The following MAN1C1 variants were observed in gnomAD, a reference collection of about 807,000 sequenced individuals.
MAN1C1 encodes the protein mannosidase alpha class 1C member 1.
Under a neutral mutation model 71.5 loss-of-function variants are expected in MAN1C1, and 49 were observed. That is an observed-to-expected ratio of 0.69 (90% CI 0.54 to 0.87). The LOEUF (loss-of-function observed/expected upper bound fraction) is 0.87. MAN1C1 is among the 40% of genes least tolerant of loss of function. MAN1C1 has a pLI of 0.00. For synonymous variants in MAN1C1, 352 were observed against 343.7 expected, an observed-to-expected ratio of 1.02 and a Z score of -0.27; for missense variants, 743 against 835.0, an observed-to-expected ratio of 0.89 and a Z score of 1.36.
intron 2 of MAN1C1, among the ~76,000 whole-genome samples, chr1:25,720,313 G>T (rs1380430427): frequency 6.6e-6 from 1 of 151,782 alleles, no homozygotes; most frequent in African/African-American, 2.4e-5. Context: ...CCGAGTTCAA[G>T]TGATTCTCCT....
intron 2 of MAN1C1, among the ~76,000 whole-genome samples, chr1:25,704,754 CTT>C (rs746230551): frequency 1.3e-5 from 2 of 152,198 alleles, no homozygotes; most frequent in Non-Finnish European, 2.9e-5. Flanking sequence ...GGCAGGGTCT[CTT>C]TGCCAGAAAA....
chr1:25,627,194 G>A (rs2045308392), intron 1 of MAN1C1, among the ~76,000 whole-genome samples: 1 of 152,072 alleles, frequency 6.6e-6, no homozygotes, highest in Non-Finnish European at 1.5e-5. Context: ...TATACAATAT[G>A]GTTTTGTTTC....
intron 11 of MAN1C1, 34 bp from the exon 12 acceptor site, chr1:25,783,625 AGACT>A (rs1363363786): frequency 6.2e-7 from 1 of 1,603,910 alleles, no homozygotes; most frequent in Non-Finnish European, 8.5e-7. Context: ...GGCCACTGAC[AGACT>A]GTGTCTTGCT....
At chr1:25,679,363 G>A (rs1387714944) in intron 1 of MAN1C1, among the ~76,000 whole-genome samples, 2 of 152,126 alleles carry the variant, frequency 1.3e-5, no homozygotes, top group East Asian at 1.9e-4. Flanking sequence ...TCTGACCAGC[G>A]TGGGGAACAG....
intron 2 of MAN1C1, among the ~76,000 whole-genome samples, chr1:25,740,382 G>T (rs142095192): frequency 6.6e-6 from 1 of 152,244 alleles, no homozygotes; most frequent in African/African-American, 2.4e-5. Flanking sequence ...GCCATGGGGG[G>T]TTTCGAGCAG....
intron 4 of MAN1C1, among the ~76,000 whole-genome samples, chr1:25,752,151 C>A (rs1195941562): frequency 2.0e-5 from 3 of 152,126 alleles, no homozygotes; most frequent in African/African-American, 7.2e-5. Context: ...CACAGCTGCA[C>A]ACGTGAGGTT....
At chr1:25,667,257 G>A (rs893274549) in intron 1 of MAN1C1, among the ~76,000 whole-genome samples, 7 of 152,068 alleles carry the variant, frequency 4.6e-5, no homozygotes, top group Non-Finnish European at 8.8e-5. Flanking sequence ...GCTGAGGCGG[G>A]CGGATCACTT....
chr1:25,771,044 C>G (rs1385663233), intron 7 of MAN1C1, among the ~76,000 whole-genome samples: 2 of 152,228 alleles, frequency 1.3e-5, no homozygotes, highest in African/African-American at 4.8e-5. Flanking sequence ...GCCTGTGAGG[C>G]CCTGCTCCTT....
At chr1:25,762,117 CTTTTCTTTTCTTTTT>C (rs2047367609) in intron 6 of MAN1C1, among the ~76,000 whole-genome samples, 1 of 124,786 alleles carries the variant, frequency 8.0e-6, no homozygotes, top group African/African-American at 3.5e-5. Context: ...TCTTTCTTTT[CTTTTCTTTTCTTTTT>C]TTTTTTTTTT....
intron 7 of MAN1C1, among the ~76,000 whole-genome samples, chr1:25,767,210 C>T (rs921684720): frequency 8.6e-6 from 1 of 116,150 alleles, no homozygotes; most frequent in African/African-American, 3.4e-5. Context: ...ACACATTACA[C>T]ACTCCCCCAT....
At chr1:25,699,530 C>T (rs1232509851) in intron 2 of MAN1C1, among the ~76,000 whole-genome samples, 1 of 152,104 alleles carries the variant, frequency 6.6e-6, no homozygotes, top group Non-Finnish European at 1.5e-5. Flanking sequence ...TATTTCCTCC[C>T]CACTCTAGGT....
chr1:25,704,790 A>C (rs2046496577), intron 2 of MAN1C1, among the ~76,000 whole-genome samples: 1 of 152,228 alleles, frequency 6.6e-6, no homozygotes, highest in Non-Finnish European at 1.5e-5. Context: ...TGTCATCCAG[A>C]TACTCTGATT....
At chr1:25,694,017 A>G (rs577453020) in intron 2 of MAN1C1, among the ~76,000 whole-genome samples, 32 of 152,350 alleles carry the variant, frequency 2.1e-4, no homozygotes, top group African/African-American at 6.5e-4. Context: ...GAGAATAAGT[A>G]TAGTCCAAGG....
At chr1:25,716,264 A>G (rs2124262576) in intron 2 of MAN1C1, among the ~76,000 whole-genome samples, 1 of 152,310 alleles carries the variant, frequency 6.6e-6, no homozygotes, top group South Asian at 2.1e-4. Context: ...ATTAGGGGCA[A>G]CTAGCAGACT....
chr1:25,636,696 A>G (rs1012962759), intron 1 of MAN1C1, among the ~76,000 whole-genome samples: 1 of 152,260 alleles, frequency 6.6e-6, no homozygotes, highest in Admixed American at 6.5e-5. Context: ...GAGGTGACGT[A>G]CATCCTCAGC....
chr1:25,737,166 A>G (rs1572184265), intron 2 of MAN1C1, among the ~76,000 whole-genome samples: 1 of 152,258 alleles, frequency 6.6e-6, no homozygotes, highest in Admixed American at 6.5e-5. Context: ...GCTCTTATTT[A>G]AAAACAAACA....
intron 3 of MAN1C1, among the ~76,000 whole-genome samples, chr1:25,748,436 G>A (rs942856070): frequency 1.6e-4 from 24 of 152,326 alleles, no homozygotes; most frequent in African/African-American, 2.9e-4. Flanking sequence ...GGCAAGGAGG[G>A]TGACAACAGG....
intron 2 of MAN1C1, among the ~76,000 whole-genome samples, chr1:25,720,112 A>G (rs1243002432): frequency 6.6e-6 from 1 of 151,874 alleles, no homozygotes; most frequent in African/African-American, 2.4e-5. Context: ...GCATTTCCCT[A>G]ATGTCTAATG....
Position 25,740,539 on chromosome 1 carries a change from C to A in MAN1C1, c.638-6129C>A, listed in dbSNP as rs539146487. Among the ~76,000 whole-genome samples, 360 of 152,216 alleles carry A rather than the reference C, an allele frequency of 2.4e-3. 3 individuals are homozygous for A. Among genetic ancestry groups the A allele is most frequent in the African/African-American group, 8.1e-3 (335 of 41,514 alleles). On this transcript the variant is annotated intron_variant, in intron 2 of 11. Coordinates refer to ENST00000374332, the MANE Select transcript of MAN1C1 (RefSeq NM_020379.4). ...GCAAGCTCCGCCTCCCGAGTTCATG[C>A]CATTCTCCTGTCTCAGCCTCCCAAG...
Sources: allele counts gnomAD v4.1 joint callset (sites outside exome capture counted in the v4.1 genomes callset), GRCh38; gene constraint gnomAD v4.1.1; transcripts MANE v1.5; gene names NCBI Gene and HGNC (gene_info 2026-07-23, HGNC 2026-07-21).